ADCY2: variants seen among roughly 807,000 people sequenced by gnomAD.
ADCY2 encodes adenylate cyclase 2.
Under a neutral mutation model 125.2 loss-of-function variants are expected in ADCY2, and 31 were observed. The ratio of observed to expected loss-of-function variants is 0.25; its 90% CI spans 0.19 to 0.33. The LOEUF (loss-of-function observed/expected upper bound fraction) is 0.33. Among genes scored for constraint, ADCY2 ranks in the 10% least tolerant of loss-of-function variants. The pLI is 1.00. For synonymous variants in ADCY2, 512 were observed against 548.4 expected, an observed-to-expected ratio of 0.93 and a Z score of 0.93; for missense variants, 904 against 1,418.2, an observed-to-expected ratio of 0.64 and a Z score of 5.82.
intron 16 of ADCY2, among the ~76,000 whole-genome samples, chr5:7,761,739 G>A (rs1050283172): frequency 6.6e-6 from 1 of 152,132 alleles, no homozygotes; most frequent in Admixed American, 6.5e-5. Context: ...ATCTGGTTTG[G>A]AAGCTAACTC....
chr5:7,734,130 C>T (rs745472049), intron 14 of ADCY2, among the ~76,000 whole-genome samples: 4 of 152,128 alleles, frequency 2.6e-5, no homozygotes, highest in Non-Finnish European at 5.9e-5. Flanking sequence ...CTGAATCCCA[C>T]GCAACAGATG....
intron 3 of ADCY2, among the ~76,000 whole-genome samples, chr5:7,558,454 T>G (rs1050544205): frequency 2.6e-5 from 4 of 152,238 alleles, no homozygotes; most frequent in African/African-American, 9.6e-5. Flanking sequence ...GAGCTTTTTA[T>G]TATATGATTG....
At chr5:7,630,788 CTTTT>C (rs149391909) in intron 4 of ADCY2, among the ~76,000 whole-genome samples, 1 of 132,226 alleles carries the variant, frequency 7.6e-6, no homozygotes, top group Non-Finnish European at 1.6e-5. Context: ...CTCTCCTTGT[CTTTT>C]TTTTTTTTTT....
chr5:7,603,821 T>G, intron 3 of ADCY2, among the ~76,000 whole-genome samples: 4 of 142,608 alleles, frequency 2.8e-5, no homozygotes. Context: ...TTTTGTTTTT[T>G]TTTTTTTATT....
rs1419384599 is a variant in ADCY2, at chr5:7,828,409, C to G, written c.*1538C>G. On this transcript the variant is annotated 3_prime_UTR_variant, in exon 25 of 25. Transcript: ENST00000338316. ...CTCTTAGGAGTACTTTCCTTATTGG[C>G]AACTTATGGACTCGCTAGTGATTAA... The G allele has an allele frequency of 6.6e-6, 1 of 152,152 alleles. No individual in the cohort carries two copies. Among genetic ancestry groups the G allele is most frequent in the African/African-American group, 2.4e-5 (1 of 41,432 alleles). The allele number at this position is 152,152 out of a possible 1,614,324, so 9.4% of individuals were successfully genotyped here.
intron 3 of ADCY2, among the ~76,000 whole-genome samples, chr5:7,616,411 T>C (rs1561126973): frequency 1.3e-5 from 2 of 152,194 alleles, no homozygotes; most frequent in Non-Finnish European, 2.9e-5. Context: ...AAGCCTGCCT[T>C]GTATCATTTA....
rs1264296061 is a variant in ADCY2 at position 7,626,262 on chromosome 5, C to T, written c.666C>T (p.Asp222=). ...TCGCTCTTCAGCAAACATATCAGGA[C>T]ACCTGTAATTGCATCAAGTCGCGGA... The part of the protein sequence containing the change: ...MELALQQTYQ[D]TCNCIKSRIK... Residue 222 remains aspartate, a synonymous_variant, in exon 4 of 25, where the codon GAC becomes GAT. Coordinates refer to ENST00000338316, the MANE Select transcript of ADCY2 (RefSeq NM_020546.3). The T allele has an allele frequency of 5.0e-6, 8 of 1,614,020 alleles. No individual in the cohort carries two copies. Among genetic ancestry groups the T allele is most frequent in the Non-Finnish European group, 6.8e-6 (8 of 1,180,012 alleles).
At chr5:7,627,242 G>T (rs1219021014) in intron 4 of ADCY2, among the ~76,000 whole-genome samples, 2 of 152,136 alleles carry the variant, frequency 1.3e-5, no homozygotes, top group African/African-American at 4.8e-5. Context: ...GTTGATTGTT[G>T]TGGGTGACAC....
At chr5:7,667,014 C>T (rs906873079) in intron 4 of ADCY2, among the ~76,000 whole-genome samples, 2 of 152,160 alleles carry the variant, frequency 1.3e-5, no homozygotes, top group South Asian at 2.1e-4. Context: ...CAGTAGCTAG[C>T]GCTGTCCTGG....
intron 18 of ADCY2, among the ~76,000 whole-genome samples, chr5:7,783,500 C>G (rs1412848102): frequency 6.6e-6 from 1 of 151,876 alleles, no homozygotes; most frequent in Non-Finnish European, 1.5e-5. Context: ...CTTGTTATCT[C>G]GTTTGTCCTT....
intron 4 of ADCY2, chr5:7,685,336 C>T (rs1294011624): frequency 6.6e-6 from 1 of 152,248 alleles, no homozygotes; most frequent in African/African-American, 2.4e-5. Flanking sequence ...CTTACATGGA[C>T]ATGGAGGCCT....
At chr5:7,609,254 C>T (rs60732785) in intron 3 of ADCY2, among the ~76,000 whole-genome samples, 5,263 of 152,286 alleles carry the variant, frequency 0.035, 302 homozygotes, top group African/African-American at 0.12. Flanking sequence ...TATGAAGCAA[C>T]TACAAAGTTT....
chr5:7,603,952 G>A (rs2126638427), intron 3 of ADCY2, among the ~76,000 whole-genome samples: 1 of 75,524 alleles, frequency 1.3e-5, no homozygotes, highest in African/African-American at 5.6e-5. Context: ...ATCTCCCAAT[G>A]CTATCCCTCC....
At chr5:7,626,599 G>T (rs1006959844) in intron 4 of ADCY2, among the ~76,000 whole-genome samples, 1 of 152,118 alleles carries the variant, frequency 6.6e-6, no homozygotes, top group Non-Finnish European at 1.5e-5. Flanking sequence ...GCCTTTAACT[G>T]CCTCCACTCA....
intron 4 of ADCY2, among the ~76,000 whole-genome samples, chr5:7,640,215 G>A (rs376706027): frequency 6.6e-6 from 1 of 152,112 alleles, no homozygotes; most frequent in South Asian, 2.1e-4. Flanking sequence ...TTTTATTAAC[G>A]AGTCAAGGAA....
At position 7,418,536 on chromosome 5, in the gene ADCY2, G is replaced by A. The variant is rs1740046276; in HGVS notation, c.408+3766G>A. Among the ~76,000 whole-genome samples the A allele has an allele frequency of 2.0e-5, 3 of 151,952 alleles. No homozygotes were observed. In the South Asian group the frequency reaches 6.2e-4, roughly 32 times the overall value. ...GGCTCATACCCCTTGGAGAGACATC[G>A]AGTCCTGCCCCTCCTAGAGTCTGAA... is the stretch of plus-strand genomic sequence containing the variant. On this transcript the variant is annotated intron_variant, in intron 2 of 24. Transcript: ENST00000338316.
chr5:7,661,870 TAG>T lies in ADCY2; in HGVS notation c.721-28818_721-28817del, dbSNP rs148611770. ...ATCACTGTGCAGATATGAGAGTGTT[TAG>T]AGTGTTTTTGTCAAGAAAATCACAC... On this transcript the variant is annotated intron_variant, in intron 4 of 24. Transcript: ENST00000338316. 7.3e-3 allele frequency among the ~76,000 whole-genome samples: 1,110 copies of T among 152,342 alleles called. 13 individuals carry two copies. Among genetic ancestry groups the T allele is most frequent in the African/African-American group, 0.026 (1,063 of 41,574 alleles).
chr5:7,809,439 T>C (rs1219012098), intron 22 of ADCY2, among the ~76,000 whole-genome samples: 1 of 152,276 alleles, frequency 6.6e-6, no homozygotes. Context: ...GAAATGAATG[T>C]CACTTTTACC....
intron 4 of ADCY2, among the ~76,000 whole-genome samples, chr5:7,671,803 TC>T (rs1739945013): frequency 6.6e-6 from 1 of 152,100 alleles, no homozygotes; most frequent in Non-Finnish European, 1.5e-5. Flanking sequence ...TTTGGCTTTA[TC>T]TAAAAATACA....
Sources: gnomAD v4.1 joint callset for allele counts (sites outside exome capture counted in the v4.1 genomes callset) on GRCh38, gnomAD v4.1.1 for gene constraint, MANE v1.5 for transcripts, NCBI Gene and HGNC (gene_info 2026-07-23, HGNC 2026-07-21) for gene names.